The following ZC3H12C variants were observed in gnomAD, a reference collection of about 807,000 sequenced individuals.
The protein encoded by ZC3H12C is probable ribonuclease ZC3H12C.
Under a neutral mutation model 76.3 loss-of-function variants are expected in ZC3H12C, and 20 were observed. That is an observed-to-expected ratio of 0.26 (90% CI 0.18 to 0.38). ZC3H12C has a LOEUF of 0.38. ZC3H12C is among the 10% of genes least tolerant of loss of function. The probability of loss-of-function intolerance (pLI) is 1.00; values close to 1 mark genes in which losing one functional copy is unlikely to be tolerated. For missense variants in ZC3H12C, 874 were observed against 1,086.5 expected, an observed-to-expected ratio of 0.80 and a Z score of 2.75; for synonymous variants, 352 against 399.6, an observed-to-expected ratio of 0.88 and a Z score of 1.42.
Position 110,112,800 on chromosome 11 carries a change from G to T in ZC3H12C, c.21+19368G>T, listed in dbSNP as rs374765294. On this transcript the variant is annotated intron_variant, in intron 1 of 5. Transcript: ENST00000278590. ...TTGGCAGAGAATTATGGGATGGAAAGCCAATGGTTGCCTGACTGAACCAAG... is the reference window on the plus strand; with the variant it reads ...TTGGCAGAGAATTATGGGATGGAAATCCAATGGTTGCCTGACTGAACCAAG... 2.5e-4 allele frequency among the ~76,000 whole-genome samples: 38 copies of T among 152,290 alleles called. 1 individual carries two copies. In the South Asian group the frequency reaches 7.7e-3, roughly 31 times the overall value.
Position 110,165,790 on chromosome 11 carries a change from G to A in ZC3H12C, c.*53G>A. Reference sequence around the variant, plus strand: ...TAGTTTTTTGTTCAGCTCAAATGCTGAGGGAGGTTTGCTACAATAGCACAT... The same window carrying A: ...TAGTTTTTTGTTCAGCTCAAATGCTAAGGGAGGTTTGCTACAATAGCACAT... On this transcript the variant is annotated 3_prime_UTR_variant, in exon 6 of 6. Coordinates refer to ENST00000278590, the MANE Select transcript of ZC3H12C (RefSeq NM_033390.2). The A allele has an allele frequency of 6.7e-7, 1 of 1,491,260 alleles. No individual in the cohort carries two copies. The highest frequency in any genetic ancestry group is 9.0e-7 in the Non-Finnish European group (1 of 1,114,480). The allele number at this position is 1,491,260 out of a possible 1,614,324, so 92.4% of individuals were successfully genotyped here.
At chr11:110,102,979 A>G (rs1271123797) in intron 1 of ZC3H12C, among the ~76,000 whole-genome samples, 1 of 152,260 alleles carries the variant, frequency 6.6e-6, no homozygotes, top group Non-Finnish European at 1.5e-5. Flanking sequence ...ACTATAGAAT[A>G]GTGCAAACAT....
chr11:110,131,944 T>G (rs549002942), intron 1 of ZC3H12C, among the ~76,000 whole-genome samples: 2 of 152,334 alleles, frequency 1.3e-5, no homozygotes, highest in South Asian at 4.1e-4. Context: ...CCCAGAGCAT[T>G]AACCAATCTG....
intron 1 of ZC3H12C, among the ~76,000 whole-genome samples, chr11:110,103,599 T>C (rs1409183966): frequency 1.4e-5 from 2 of 140,160 alleles, no homozygotes; most frequent in African/African-American, 2.6e-5. Flanking sequence ...GCCCAAGTTA[T>C]TGAGTTTTTT....
intron 2 of ZC3H12C, among the ~76,000 whole-genome samples, chr11:110,139,869 C>CT (rs58867910): frequency 0.053 from 6,967 of 131,456 alleles, 551 homozygotes; most frequent in Admixed American, 0.17. Flanking sequence ...CATATATTTT[C>CT]TTTTTTTTTT....
intron 1 of ZC3H12C, among the ~76,000 whole-genome samples, chr11:110,097,476 GTT>G (rs1297284281): frequency 6.6e-6 from 1 of 152,116 alleles, no homozygotes; most frequent in Non-Finnish European, 1.5e-5. Context: ...ATATCACTTG[GTT>G]TACTGCATTG....
chr11:110,114,764 T>C (rs1323843286), intron 1 of ZC3H12C, among the ~76,000 whole-genome samples: 2 of 152,256 alleles, frequency 1.3e-5, no homozygotes, highest in Non-Finnish European at 2.9e-5. Context: ...ATGTCTAAAT[T>C]ATACCACTGT....
intron 1 of ZC3H12C, 33 bp downstream of exon 1, chr11:110,093,465 A>G: frequency 8.4e-7 from 1 of 1,192,894 alleles, no homozygotes. Context: ...GGGGACGCGG[A>G]CCGCGGCGAG....
Position 110,171,339 on chromosome 11 carries a change from C to A in ZC3H12C, c.*5602C>A, listed in dbSNP as rs1414313793. The stretch of plus-strand genomic sequence containing the variant: ...ACGTGTACCAGGTTATTGATTTTAT[C>A]TTTTCCTTTCAGGGTTTTGTCCTCC... On this transcript the variant is annotated 3_prime_UTR_variant, in exon 6 of 6. Coordinates refer to ENST00000278590, the MANE Select transcript of ZC3H12C (RefSeq NM_033390.2). 1.3e-5 allele frequency: 2 copies of A among 152,114 alleles called. No individual in the cohort carries two copies. Among genetic ancestry groups the A allele is most frequent in the Non-Finnish European group, 2.9e-5 (2 of 68,000 alleles). The allele number at this position is 152,114 out of a possible 1,614,324, so 9.4% of individuals were successfully genotyped here. A position where few individuals can be genotyped will look rare whatever the true frequency, so the allele number is the denominator to read the frequency against.
chr11:110,166,714 C>A lies in ZC3H12C; in HGVS notation c.*977C>A, dbSNP rs1862591927. ...TTAATGAATCTAATTATTCACAATG[C>A]AACTTTTATATTTAACATACTCTTT... is the stretch of plus-strand genomic sequence containing the variant. On this transcript the variant is annotated 3_prime_UTR_variant, in exon 6 of 6. Coordinates refer to ENST00000278590, the MANE Select transcript of ZC3H12C (RefSeq NM_033390.2). 1.3e-5 allele frequency: 2 copies of A among 152,156 alleles called. No individual in the cohort carries two copies. Among genetic ancestry groups the A allele is most frequent in the African/African-American group, 4.8e-5 (2 of 41,428 alleles). 9.4% of individuals were successfully genotyped at this position (152,156 alleles called of 1,614,324 possible). A position where few individuals can be genotyped will look rare whatever the true frequency, so the allele number is the denominator to read the frequency against.
rs749434731 is a variant in ZC3H12C at position 110,165,046 on chromosome 11, C to T, written c.1961C>T (p.Pro654Leu). 1 of 1,613,886 alleles carries T rather than the reference C, an allele frequency of 6.2e-7. No individual in the cohort carries two copies. Among genetic ancestry groups the T allele is most frequent in the Non-Finnish European group, 8.5e-7 (1 of 1,179,904 alleles). The change falls in exon 6 of 6, where the codon CCA (proline) becomes CTA (leucine). Residue 654 changes from proline to leucine, a missense_variant. Coordinates refer to ENST00000278590, the MANE Select transcript of ZC3H12C (RefSeq NM_033390.2). ...CGGTCCTATGTCAGCTCCCCCGACCCACAGCTAGAGGAGAATTTGAAGTGT... is the reference window on the plus strand; with the variant it reads ...CGGTCCTATGTCAGCTCCCCCGACCTACAGCTAGAGGAGAATTTGAAGTGT... ...NDRSYVSSPD[P>L]QLEENLKCQH...
At chr11:110,156,645 G>A (rs144653313) in intron 3 of ZC3H12C, among the ~76,000 whole-genome samples, 60 of 152,248 alleles carry the variant, frequency 3.9e-4, no homozygotes, top group African/African-American at 1.4e-3. Context: ...AACATAAGAC[G>A]ACGAAAGAAC....
chr11:110,159,174 A>C, intron 3 of ZC3H12C, 82 bp from the exon 4 acceptor site: 2 of 1,046,514 alleles, frequency 1.9e-6, no homozygotes, highest in Non-Finnish European at 2.8e-6. Flanking sequence ...CTTATGTTTT[A>C]GAGTTTCACA....
Position 110,127,118 on chromosome 11 carries a change from A to G in ZC3H12C, c.22-9545A>G, listed in dbSNP as rs183817505. On this transcript the variant is annotated intron_variant, in intron 1 of 5. Transcript: ENST00000278590. ...TTCATGGACAGAAAGGAATTAGGAG[A>G]ATGTCTAACGCTTTCAACAGTACTT... 3.3e-4 allele frequency among the ~76,000 whole-genome samples: 50 copies of G among 152,252 alleles called. No homozygotes were observed. The East Asian group carries it at 9.6e-3, about 29-fold the overall frequency.
intron 1 of ZC3H12C, among the ~76,000 whole-genome samples, chr11:110,093,842 C>T (rs11213260): frequency 0.33 from 50,334 of 151,878 alleles, 9,544 homozygotes; most frequent in East Asian, 0.65. Context: ...CAGACTCGCG[C>T]GCGCTCGTGG....
intron 1 of ZC3H12C, among the ~76,000 whole-genome samples, chr11:110,114,370 C>G (rs751150193): frequency 3.9e-5 from 6 of 152,218 alleles, no homozygotes; most frequent in Non-Finnish European, 8.8e-5. Flanking sequence ...CTCTTGTACT[C>G]TATGACATAT....
intron 2 of ZC3H12C, among the ~76,000 whole-genome samples, chr11:110,141,094 T>C (rs1344452391): frequency 6.6e-6 from 1 of 152,158 alleles, no homozygotes; most frequent in Non-Finnish European, 1.5e-5. Flanking sequence ...GAGTTTATAC[T>C]CAGCCCCGCA....
intron 2 of ZC3H12C, among the ~76,000 whole-genome samples, chr11:110,145,343 T>C (rs1480863961): frequency 6.6e-6 from 1 of 152,126 alleles, no homozygotes; most frequent in African/African-American, 2.4e-5. Flanking sequence ...TACAGAAAAA[T>C]GAAAAATTAT....
At chr11:110,100,770 C>T (rs756888070) in intron 1 of ZC3H12C, among the ~76,000 whole-genome samples, 11 of 152,076 alleles carry the variant, frequency 7.2e-5, no homozygotes, top group Admixed American at 1.3e-4. Flanking sequence ...TCTTCTCAGC[C>T]CCACTATTCT....
Sources: gnomAD v4.1 joint callset for allele counts (sites outside exome capture counted in the v4.1 genomes callset) on GRCh38, gnomAD v4.1.1 for gene constraint, MANE v1.5 for transcripts, NCBI Gene and HGNC (gene_info 2026-07-23, HGNC 2026-07-21) for gene names.